TAS2R1: variants seen among roughly 807,000 people sequenced by gnomAD.
TAS2R1 encodes taste receptor type 2 member 1.
For missense variants in TAS2R1, 370 were observed against 353.4 expected (o/e 1.05, Z -0.38); for synonymous variants, 141 against 134.2 (o/e 1.05, Z -0.35).
the TAS2R1 span, among the ~76,000 whole-genome samples, chr5:9,735,641 C>A: frequency 1.3e-5 from 2 of 152,114 alleles, no homozygotes; most frequent in African/African-American, 4.8e-5. Flanking sequence ...CAGGCCACAC[C>A]CCCCACCATG....
chr5:9,874,340 T>C, the TAS2R1 span, among the ~76,000 whole-genome samples: 1 of 152,246 alleles, frequency 6.6e-6, no homozygotes, highest in Non-Finnish European at 1.5e-5. Flanking sequence ...CTAGTTTTAT[T>C]GTTTGCTTTC....
the TAS2R1 span, among the ~76,000 whole-genome samples, chr5:9,850,752 G>A: frequency 6.6e-6 from 1 of 152,188 alleles, no homozygotes; most frequent in Admixed American, 6.5e-5. Context: ...GAGCAAGTGT[G>A]TACATCAGGT....
chr5:9,765,885 A>C, the TAS2R1 span, among the ~76,000 whole-genome samples: 1 of 152,232 alleles, frequency 6.6e-6, no homozygotes, highest in African/African-American at 2.4e-5. Flanking sequence ...CGAAGACAAA[A>C]GCATCAATGT....
the TAS2R1 span, among the ~76,000 whole-genome samples, chr5:9,892,961 A>G: frequency 6.6e-6 from 1 of 152,164 alleles, no homozygotes; most frequent in Non-Finnish European, 1.5e-5. Flanking sequence ...ACCACTGATC[A>G]TGCACCAGAC....
chr5:9,891,766 A>G, the TAS2R1 span, among the ~76,000 whole-genome samples: 1 of 152,202 alleles, frequency 6.6e-6, no homozygotes, highest in East Asian at 1.9e-4. Context: ...CCCAGTACCC[A>G]TCAGGGCAGT....
intron 1 of TAS2R1, among the ~76,000 whole-genome samples, chr5:9,681,401 CCTT>C (rs1254373091): frequency 4.6e-5 from 7 of 151,490 alleles, no homozygotes; most frequent in African/African-American, 1.7e-4. Context: ...TCCTTTAAGC[CCTT>C]TAATGTTTCC....
At chr5:9,842,035 T>C in the TAS2R1 span, among the ~76,000 whole-genome samples, 6 of 152,172 alleles carry the variant, frequency 3.9e-5, no homozygotes, top group Non-Finnish European at 7.3e-5. Flanking sequence ...TGTAAAGCAG[T>C]AACAGATTAA....
the TAS2R1 span, among the ~76,000 whole-genome samples, chr5:9,864,724 A>G: frequency 3.3e-5 from 5 of 151,892 alleles, no homozygotes; most frequent in Admixed American, 1.3e-4. Context: ...TCCCATACAC[A>G]AAAAATTAAA....
intron 1 of TAS2R1, among the ~76,000 whole-genome samples, chr5:9,683,400 T>C (rs763794810): frequency 5.9e-5 from 9 of 152,210 alleles, no homozygotes; most frequent in African/African-American, 1.4e-4. Flanking sequence ...GTCAAGTTTA[T>C]CAACTACCAT....
chr5:9,666,545 T>A (rs1313929032), intron 1 of TAS2R1, among the ~76,000 whole-genome samples: 1 of 152,194 alleles, frequency 6.6e-6, no homozygotes, highest in African/African-American at 2.4e-5. Context: ...TCTTCCTTGA[T>A]GATGATACTT....
chr5:9,701,984 A>T (rs930506659), intron 1 of TAS2R1, among the ~76,000 whole-genome samples: 1 of 152,228 alleles, frequency 6.6e-6, no homozygotes, highest in Non-Finnish European at 1.5e-5. Context: ...TTATGTAGAT[A>T]ACAAAACAGA....
rs189248089 is a variant in TAS2R1, at chr5:9,628,232, C to T, written c.*901G>A. Among the ~76,000 whole-genome samples, 8 of 152,032 alleles carry T rather than the reference C, an allele frequency of 5.3e-5. No individual in the cohort carries two copies. The highest frequency in any genetic ancestry group is 1.0e-4 in the Non-Finnish European group (7 of 68,026). Reference sequence around the variant, plus strand: ...AAATGCATTTGTGACTTGAAGCAGACGGAGACACCCCCAGCCCCACCCACC... The same window carrying T: ...AAATGCATTTGTGACTTGAAGCAGATGGAGACACCCCCAGCCCCACCCACC... On this transcript the variant is annotated 3_prime_UTR_variant, in exon 1 of 1. Transcript: ENST00000382492.
At chr5:9,755,587 CAAAAAAAA>C in the TAS2R1 span, among the ~76,000 whole-genome samples, 16 of 94,868 alleles carry the variant, frequency 1.7e-4, 1 homozygote, top group African/African-American at 4.8e-4. Flanking sequence ...ACTCCATCTC[CAAAAAAAA>C]AAAAAAAAAA....
the TAS2R1 span, among the ~76,000 whole-genome samples, chr5:9,718,429 A>T: frequency 6.6e-6 from 1 of 152,166 alleles, no homozygotes; most frequent in Non-Finnish European, 1.5e-5. Flanking sequence ...AAAACTATTC[A>T]TTAAAAGAAA....
At position 9,675,477 on chromosome 5, in the gene TAS2R1, C is replaced by T. The variant is rs558102325; in HGVS notation, c.-241-15896G>A. 2.1e-5 allele frequency among the ~76,000 whole-genome samples: 3 copies of T among 143,594 alleles called. 1 individual carries two copies. The highest frequency in any genetic ancestry group is 4.4e-4 in the South Asian group (2 of 4,548). The allele number at this position is 143,594 out of a possible 152,430, so 94.2% of individuals were successfully genotyped here. A position where few individuals can be genotyped will look rare whatever the true frequency, so the allele number is the denominator to read the frequency against. On this transcript the variant is annotated intron_variant, in intron 1 of 2. Transcript: ENST00000506620. ...TTGTTGCCAGACTGGAGTGCAGTGG[C>T]GTAATCTTGGCTCACTGCAACCTCC...
At chr5:9,790,919 C>T in the TAS2R1 span, among the ~76,000 whole-genome samples, 1 of 152,190 alleles carries the variant, frequency 6.6e-6, no homozygotes, top group Non-Finnish European at 1.5e-5. Flanking sequence ...GGATTACAGG[C>T]ATGTGCCACT....
the TAS2R1 span, among the ~76,000 whole-genome samples, chr5:9,858,448 A>T: frequency 1.3e-5 from 2 of 152,160 alleles, no homozygotes; most frequent in African/African-American, 4.8e-5. Flanking sequence ...GGTAATATAA[A>T]GCTGTCCTTC....
At chr5:9,846,285 C>T in the TAS2R1 span, among the ~76,000 whole-genome samples, 1 of 152,162 alleles carries the variant, frequency 6.6e-6, no homozygotes, top group Non-Finnish European at 1.5e-5. Flanking sequence ...ATATTGTTTC[C>T]ACCCATAGGG....
At chr5:9,686,758 T>G (rs1181190885) in intron 1 of TAS2R1, among the ~76,000 whole-genome samples, 1 of 152,180 alleles carries the variant, frequency 6.6e-6, no homozygotes, top group Admixed American at 6.5e-5. Flanking sequence ...CAAAATTTTC[T>G]TTTCAAAAAA....
Sources: gnomAD v4.1 joint callset for allele counts (sites outside exome capture counted in the v4.1 genomes callset) on GRCh38, gnomAD v4.1.1 for gene constraint, MANE v1.5 for transcripts, NCBI Gene and HGNC (gene_info 2026-07-23, HGNC 2026-07-21) for gene names.